ESRRG: variants seen among roughly 807,000 people sequenced by gnomAD.
The protein encoded by ESRRG is estrogen-related receptor gamma.
A neutral mutation model predicts 44.0 loss-of-function variants in ESRRG; 13 were observed. The ratio of observed to expected loss-of-function variants is 0.30; its 90% CI spans 0.19 to 0.47. ESRRG has a LOEUF of 0.47. Among genes scored for constraint, ESRRG ranks in the 20% least tolerant of loss-of-function variants. The pLI is 1.00. For missense variants in ESRRG, 395 were observed against 580.6 expected (o/e 0.68, Z 3.29); for synonymous variants, 215 against 214.6 (o/e 1.00, Z -0.02).
In ESRRG at chr1:216,506,766, T is replaced by C; in HGVS notation, c.*173A>G. On this transcript the variant is annotated 3_prime_UTR_variant, in exon 7 of 7. Transcript: ENST00000408911. ...GATGGAGAAAGTAGAAAGAAACTCATCAGGAACCTATGGAGGAATCTGAAA... is the reference window on the plus strand; with the variant it reads ...GATGGAGAAAGTAGAAAGAAACTCACCAGGAACCTATGGAGGAATCTGAAA... 3 of 681,582 alleles carry C rather than the reference T, an allele frequency of 4.4e-6. No homozygotes were observed. The East Asian group carries it at 8.2e-5, about 19-fold the overall frequency. The allele number at this position is 681,582 out of a possible 1,614,324, so 42.2% of individuals were successfully genotyped here.
intron 3 of ESRRG, among the ~76,000 whole-genome samples, chr1:216,647,833 T>C (rs778428206): frequency 2.0e-5 from 3 of 152,216 alleles, no homozygotes; most frequent in Non-Finnish European, 4.4e-5. Flanking sequence ...ATTTGGCCAG[T>C]TGAATAAAAA....
At position 216,505,316 on chromosome 1, in the gene ESRRG, C is replaced by T. The variant is rs912627933; in HGVS notation, c.*1623G>A. 1 of 152,538 alleles carries T rather than the reference C, an allele frequency of 6.6e-6. No homozygotes were observed. Among genetic ancestry groups the T allele is most frequent in the Non-Finnish European group, 1.5e-5 (1 of 68,024 alleles). 9.4% of individuals were successfully genotyped at this position (152,538 alleles called of 1,614,324 possible). On this transcript the variant is annotated 3_prime_UTR_variant, in exon 7 of 7. Transcript: ENST00000408911. The stretch of plus-strand genomic sequence containing the variant: ...ACCTGACTTGACTTTCATGCTGTGA[C>T]AATACTGGTTGAAAAGCACATATAT...
chr1:216,587,475 G>A (rs892198445), intron 3 of ESRRG, among the ~76,000 whole-genome samples: 3 of 151,864 alleles, frequency 2.0e-5, no homozygotes, highest in Non-Finnish European at 4.4e-5. Flanking sequence ...TTGCTTATGA[G>A]GACAAATTTA....
intron 2 of ESRRG, among the ~76,000 whole-genome samples, chr1:216,842,562 T>C (rs1392298385): frequency 1.3e-5 from 2 of 152,146 alleles, no homozygotes; most frequent in Non-Finnish European, 2.9e-5. Flanking sequence ...ATCCATAGTG[T>C]CCTTAATGTA....
At chr1:216,615,167 G>C (rs141307467) in intron 3 of ESRRG, among the ~76,000 whole-genome samples, 16 of 152,270 alleles carry the variant, frequency 1.1e-4, no homozygotes, top group African/African-American at 3.4e-4. Context: ...AACAGGCATT[G>C]ACTTCCTACT....
At chr1:216,997,113 T>C (rs2076465982) in intron 1 of ESRRG, among the ~76,000 whole-genome samples, 1 of 152,098 alleles carries the variant, frequency 6.6e-6, no homozygotes, top group African/African-American at 2.4e-5. Context: ...TTAAAGGAGC[T>C]AACAGTAGAA....
At chr1:216,574,578 C>G (rs181933821) in intron 3 of ESRRG, among the ~76,000 whole-genome samples, 1 of 152,270 alleles carries the variant, frequency 6.6e-6, no homozygotes, top group Admixed American at 6.5e-5. Flanking sequence ...CAAGGATACT[C>G]TAGCCTACTT....
At chr1:217,052,070 C>T (rs968613735) in intron 1 of ESRRG, among the ~76,000 whole-genome samples, 26 of 152,154 alleles carry the variant, frequency 1.7e-4, no homozygotes, top group African/African-American at 5.1e-4. Flanking sequence ...TACACTCAGC[C>T]TATTTCCCAT....
intron 1 of ESRRG, among the ~76,000 whole-genome samples, chr1:216,709,197 C>T (rs560507248): frequency 3.3e-5 from 5 of 151,678 alleles, no homozygotes; most frequent in East Asian, 3.9e-4. Flanking sequence ...ACATGTATCC[C>T]AGAACTTAAA....
chr1:216,663,538 T>A (rs1265124219), intron 2 of ESRRG, among the ~76,000 whole-genome samples: 2 of 152,156 alleles, frequency 1.3e-5, no homozygotes, highest in African/African-American at 2.4e-5. Context: ...TTTTTAAGTC[T>A]GCTCAAACCA....
chr1:216,836,149 T>A (rs1355657771), intron 2 of ESRRG, among the ~76,000 whole-genome samples: 2 of 151,802 alleles, frequency 1.3e-5, no homozygotes, highest in East Asian at 3.9e-4. Context: ...AACCTATATT[T>A]TTATCATTAG....
chr1:217,081,884 C>T (rs760229657), intron 1 of ESRRG, among the ~76,000 whole-genome samples: 3 of 152,212 alleles, frequency 2.0e-5, no homozygotes, highest in African/African-American at 7.2e-5. Context: ...TTAATAGCAA[C>T]GTCATGGCAA....
intron 2 of ESRRG, among the ~76,000 whole-genome samples, chr1:216,779,518 A>ATATAAATATAAATATAAATATATATT (rs2093833867): frequency 3.0e-5 from 1 of 33,622 alleles, no homozygotes; most frequent in African/African-American, 1.8e-4. Context: ...ATATTTATAA[A>ATATAAATATAAATATAAATATATATT]TATAAATATA....
Position 216,556,373 on chromosome 1 carries a change from C to A in ESRRG, c.862+7846G>T, listed in dbSNP as rs11572793. 6.6e-4 allele frequency among the ~76,000 whole-genome samples: 101 copies of A among 152,198 alleles called. No homozygotes were observed. In the South Asian group the frequency reaches 0.02, roughly 31 times the overall value. ...GAGCTCATCCTGTCACTTTATCGTT[C>A]AAAAGAGCTTAGCAATTACCATGAA... On this transcript the variant is annotated intron_variant, in intron 5 of 6. Coordinates refer to ENST00000408911, the MANE Select transcript of ESRRG (RefSeq NM_001438.4).
intron 4 of ESRRG, among the ~76,000 whole-genome samples, chr1:216,565,339 A>G (rs961768007): frequency 6.6e-6 from 1 of 152,172 alleles, no homozygotes; most frequent in African/African-American, 2.4e-5. Context: ...GCTTTCTTCT[A>G]AGTGAGGAGA....
chr1:216,994,544 C>T (rs2076126036), intron 1 of ESRRG, among the ~76,000 whole-genome samples: 1 of 152,084 alleles, frequency 6.6e-6, no homozygotes, highest in Non-Finnish European at 1.5e-5. Flanking sequence ...ATATATTGGC[C>T]TTGTATTTGA....
At chr1:216,844,292 A>C (rs931676958) in intron 2 of ESRRG, among the ~76,000 whole-genome samples, 3 of 152,154 alleles carry the variant, frequency 2.0e-5, no homozygotes, top group African/African-American at 7.2e-5. Context: ...GGGTATTGTC[A>C]GTATATTTTA....
intron 1 of ESRRG, among the ~76,000 whole-genome samples, chr1:216,688,348 CAG>C (rs1309781871): frequency 1.3e-5 from 2 of 152,164 alleles, no homozygotes; most frequent in African/African-American, 4.8e-5. Context: ...GAACGAGAGA[CAG>C]AGAGAACAGA....
At chr1:216,942,652 C>T (rs944477701) in intron 1 of ESRRG, among the ~76,000 whole-genome samples, 42 of 151,990 alleles carry the variant, frequency 2.8e-4, no homozygotes, top group African/African-American at 9.4e-4. Flanking sequence ...CTTGTATTTC[C>T]CTGATAATTA....
Sources: allele counts gnomAD v4.1 joint callset (sites outside exome capture counted in the v4.1 genomes callset), GRCh38; gene constraint gnomAD v4.1.1; transcripts MANE v1.5; gene names NCBI Gene and HGNC (gene_info 2026-07-23, HGNC 2026-07-21).